Variants in BIRC6 observed in about 807,000 individuals in gnomAD.
BIRC6 encodes baculoviral IAP repeat containing 6.
In BIRC6, 98 loss-of-function variants were observed where a neutral mutation model predicts 503.3. That is an observed-to-expected ratio of 0.19 (90% CI 0.17 to 0.23). The LOEUF (loss-of-function observed/expected upper bound fraction) is 0.23, where lower values mean the gene tolerates loss of function less well. Among genes scored for constraint, BIRC6 ranks in the 10% least tolerant of loss-of-function variants. The pLI, the probability that BIRC6 is intolerant of heterozygous loss-of-function variation, is 1.00. For synonymous variants in BIRC6, 2,240 were observed against 2,078.7 expected, an observed-to-expected ratio of 1.08 and a Z score of -2.11; for missense variants, 5,360 against 5,806.0, an observed-to-expected ratio of 0.92 and a Z score of 2.50.
At chr2:32,413,068 G>A (rs2042061161) in intron 9 of BIRC6, among the ~76,000 whole-genome samples, 1 of 150,200 alleles carries the variant, frequency 6.7e-6, no homozygotes, top group Admixed American at 6.6e-5. Context: ...GAGTACAGTT[G>A]CGTGATCTCA....
Position 32,493,597 on chromosome 2 carries a change from C to T in BIRC6, c.8398C>T (p.Leu2800Phe), listed in dbSNP as rs761338986. Residue 2800 changes from leucine to phenylalanine, a missense_variant, in exon 45 of 74, where the codon CTT (leucine) becomes TTT (phenylalanine). Leu to Phe is a conservative substitution (Grantham distance 22, BLOSUM62 0). Around this residue, in one of 16 missense-constraint regions of BIRC6, gnomAD observed 2,299 missense variants for 2,267.2 expected, o/e 1.01. Coordinates refer to ENST00000421745, the MANE Select transcript of BIRC6 (RefSeq NM_016252.4). Reference sequence around the variant, plus strand: ...ATTTCTTACTCGATTACAAGTGCATCTTTCTTCAACATGTCCTCAGATATT... The same window carrying T: ...ATTTCTTACTCGATTACAAGTGCATTTTTCTTCAACATGTCCTCAGATATT... Reference protein sequence around the residue: ...QEFLTRLQVHLSSTCPQIFSE... With the variant: ...QEFLTRLQVHFSSTCPQIFSE... 2 of 1,609,042 alleles carry T rather than the reference C, an allele frequency of 1.2e-6. No homozygotes were observed. The highest frequency in any genetic ancestry group is 2.2e-5 in the East Asian group (1 of 44,718).
chr2:32,401,755 G>A (rs551433069), intron 8 of BIRC6, 132 bp downstream of exon 8: 10 of 749,832 alleles, frequency 1.3e-5, no homozygotes, highest in East Asian at 8.6e-5. Context: ...GTAAATGTTT[G>A]GTTAGAAATC....
At chr2:32,449,026 A>G (rs1290279870) in intron 22 of BIRC6, 98 bp downstream of exon 22, 2 of 1,188,596 alleles carry the variant, frequency 1.7e-6, no homozygotes, top group Non-Finnish European at 2.3e-6. Context: ...TTTTGTCTTT[A>G]GAAAACTAAA....
chr2:32,435,975 A>G, intron 14 of BIRC6, 78 bp from the exon 15 acceptor site: 1 of 855,558 alleles, frequency 1.2e-6, no homozygotes, highest in African/African-American at 1.7e-5. Context: ...TTATATGTAA[A>G]TGGGATGATA....
At chr2:32,510,171 C>T (rs759723569) in intron 52 of BIRC6, among the ~76,000 whole-genome samples, 177 bp downstream of exon 52, 6 of 152,082 alleles carry the variant, frequency 3.9e-5, no homozygotes, top group Admixed American at 2.0e-4. Context: ...AGTGCAGTGG[C>T]GCAATCTTGG....
At chr2:32,385,829 C>T (rs1036317460) in intron 3 of BIRC6, among the ~76,000 whole-genome samples, 7 of 152,066 alleles carry the variant, frequency 4.6e-5, no homozygotes, top group African/African-American at 1.7e-4. Flanking sequence ...TATTGGCTCC[C>T]AAATCCAAGT....
intron 51 of BIRC6, 133 bp downstream of exon 51, chr2:32,508,392 A>G: frequency 1.7e-6 from 2 of 1,191,956 alleles, no homozygotes; most frequent in Non-Finnish European, 2.2e-6. Flanking sequence ...AGGTATCTGT[A>G]TAATACAATT....
Position 32,529,652 on chromosome 2 carries a change from C to G in BIRC6, c.11922C>G (p.Gly3974=), listed in dbSNP as rs1269517507. 1 of 1,581,390 alleles carries G rather than the reference C, an allele frequency of 6.3e-7. No homozygotes were observed. The highest frequency in any genetic ancestry group is 1.4e-5 in the African/African-American group (1 of 72,936). Residue 3974 remains glycine, a splice_region_variant and synonymous_variant, in exon 60 of 74, where the codon GGC becomes GGG. Transcript: ENST00000421745. ...TTTAACTTAGTTATATCATTTTAGG[C>G]CAGCCATTGCCAGCTGAAATGACAC... ...VFHLFHKLLA[G]QPLPAEMTLA...
In BIRC6 at chr2:32,508,275, C is replaced by CTTTT. The variant is rs1558924779; in HGVS notation, c.9980+16_9980+17insTTTT. 4.8e-5 allele frequency: 28 copies of CTTTT among 577,768 alleles called. No homozygotes were observed. The highest frequency in any genetic ancestry group is 1.1e-3 in the Middle Eastern group (2 of 1,762). The allele number at this position is 577,768 out of a possible 1,614,324, so 35.8% of individuals were successfully genotyped here. On this transcript the variant is annotated intron_variant, in intron 51 of 73. Transcript: ENST00000421745. ...CCAAAACAAGGTATGTTTTGTTTGT[C>CTTTT]CTTTTTTTTTTTTTTTTTTTTTTTT...
In BIRC6 at chr2:32,582,992, C is replaced by T. The variant is rs113483917; in HGVS notation, c.13355+7626C>T. On this transcript the variant is annotated intron_variant, in intron 66 of 73. Transcript: ENST00000421745. ...ATTTTTGAAACAGTAGACTTTAAGCCGTGTTTTAAGTTGTCCTCAATTACA... is the reference window on the plus strand; with the variant it reads ...ATTTTTGAAACAGTAGACTTTAAGCTGTGTTTTAAGTTGTCCTCAATTACA... Among the ~76,000 whole-genome samples, 1,506 of 152,152 alleles carry T rather than the reference C, an allele frequency of 9.9e-3. 20 individuals are homozygous for T. The highest frequency in any genetic ancestry group is 0.015 in the Admixed American group (234 of 15,276).
At chr2:32,377,167 A>C (rs2036911134) in intron 1 of BIRC6, among the ~76,000 whole-genome samples, 2 of 151,602 alleles carry the variant, frequency 1.3e-5, no homozygotes, top group Admixed American at 1.3e-4. Context: ...CAGCTCTACT[A>C]GTTTTAAACA....
chr2:32,525,020 G>C lies in BIRC6; in HGVS notation c.11755+1G>C. ...AATTACAGTGTTGTTGTTGCCTCTG[G>C]TATGCTTTCTATTTTTTATAATCTT... is the stretch of plus-strand genomic sequence containing the variant. On this transcript the variant is annotated splice_donor_variant, in intron 58 of 73. Transcript: ENST00000421745. LOFTEE classifies it high-confidence loss of function. The C allele has an allele frequency of 6.6e-7, 1 of 1,515,914 alleles. No homozygotes were observed. Among genetic ancestry groups the C allele is most frequent in the Non-Finnish European group, 8.8e-7 (1 of 1,139,802 alleles). 93.9% of individuals were successfully genotyped at this position (1,515,914 alleles called of 1,614,324 possible). A position where few individuals can be genotyped will look rare whatever the true frequency, so the allele number is the denominator to read the frequency against.
intron 47 of BIRC6, among the ~76,000 whole-genome samples, chr2:32,502,256 T>C (rs553941619): frequency 6.6e-6 from 1 of 152,262 alleles, no homozygotes; most frequent in East Asian, 1.9e-4. Flanking sequence ...TTATGTTGTG[T>C]ATTCAGCTTC....
intron 16 of BIRC6, among the ~76,000 whole-genome samples, chr2:32,440,980 C>T (rs1380857260): frequency 2.6e-5 from 4 of 151,916 alleles, no homozygotes; most frequent in South Asian, 2.1e-4. Flanking sequence ...AGGCTGTTCT[C>T]GAACTCCTGA....
chr2:32,514,925 A>G, intron 54 of BIRC6, 65 bp from the exon 55 acceptor site: 5 of 1,276,226 alleles, frequency 3.9e-6, no homozygotes, highest in South Asian at 1.4e-5. Context: ...TATAACAGAA[A>G]TATTTGAAAT....
chr2:32,451,024 C>T (rs1396106349), intron 22 of BIRC6, among the ~76,000 whole-genome samples: 6 of 152,160 alleles, frequency 3.9e-5, no homozygotes. Context: ...CAAGTTTGCT[C>T]ACTCTGTTAC....
intron 22 of BIRC6, among the ~76,000 whole-genome samples, chr2:32,450,540 T>G (rs770522766): frequency 1.5e-4 from 23 of 152,190 alleles, no homozygotes; most frequent in Admixed American, 3.3e-4. Context: ...TACAGCATTT[T>G]TTGTTGTTGT....
rs748330937 is a variant in BIRC6 at position 32,448,909 on chromosome 2, T to G, written c.4599T>G (p.Asp1533Glu). Residue 1533 changes from aspartate to glutamate, a missense_variant, in exon 22 of 74, where the codon GAT (aspartate) becomes GAG (glutamate). By Grantham distance (45) the Asp-to-Glu change is conservative. Around this residue, in one of 16 missense-constraint regions of BIRC6, gnomAD observed 2,299 missense variants for 2,267.2 expected, o/e 1.01. Coordinates refer to ENST00000421745, the MANE Select transcript of BIRC6 (RefSeq NM_016252.4). ...SSIGVQSDEI[D>E]LSDVLSGNGK... ...TTGGTGTCCAGTCAGATGAAATTGA[T>G]TTATCAGATGTCCTTTCAGGTAGTG... 9 of 1,612,800 alleles carry G rather than the reference T, an allele frequency of 5.6e-6. No homozygotes were observed. The highest frequency in any genetic ancestry group is 6.8e-6 in the Non-Finnish European group (8 of 1,179,508).
At chr2:32,374,464 A>C (rs2036430054) in intron 1 of BIRC6, among the ~76,000 whole-genome samples, 1 of 150,618 alleles carries the variant, frequency 6.6e-6, no homozygotes, top group African/African-American at 2.5e-5. Context: ...CACCTGGCTA[A>C]ATTTTTTTAA....
Sources: gnomAD v4.1 joint callset for allele counts (sites outside exome capture counted in the v4.1 genomes callset) on GRCh38, gnomAD v4.1.1 for gene constraint, gnomAD v4.1.1 regional missense constraint, MANE v1.5 for transcripts, NCBI Gene and HGNC (gene_info 2026-07-23, HGNC 2026-07-21) for gene names.